The following FUT8 variants were observed in gnomAD, a reference collection of about 807,000 sequenced individuals.
FUT8 encodes alpha-(1,6)-fucosyltransferase.
A neutral mutation model predicts 71.3 loss-of-function variants in FUT8; 29 were observed. The ratio of observed to expected loss-of-function variants is 0.41; its 90% confidence interval spans 0.30 to 0.55. FUT8 has a LOEUF of 0.55. Ranked by LOEUF, FUT8 falls within the 20% of genes least tolerant of loss-of-function variation. The probability of loss-of-function intolerance (pLI) is 0.34; values close to 1 mark genes in which losing one functional copy is unlikely to be tolerated. For missense variants in FUT8, 544 were observed against 702.1 expected, an observed-to-expected ratio of 0.77 and a Z score of 2.55; for synonymous variants, 254 against 239.3, an observed-to-expected ratio of 1.06 and a Z score of -0.57.
rs972658571 is a variant in FUT8 at position 65,603,327 on chromosome 14, T to G, written c.204-12651T>G. On this transcript the variant is annotated intron_variant, in intron 3 of 10. Transcript: ENST00000673929. The surrounding 1 kb of genome is among the most constrained non-coding windows in gnomAD (Gnocchi z 4.5). ...TTCTGGGTTCTCTATTCTGTTCAGTTGGTCTTTGTGGCTATTTTTATACCA... is the reference window on the plus strand; with the variant it reads ...TTCTGGGTTCTCTATTCTGTTCAGTGGGTCTTTGTGGCTATTTTTATACCA... Among the ~76,000 whole-genome samples the G allele has an allele frequency of 2.6e-5, 4 of 151,870 alleles. No individual in the cohort carries two copies. Among genetic ancestry groups the G allele is most frequent in the African/African-American group, 9.7e-5 (4 of 41,418 alleles).
chr14:65,396,450 C>A, the FUT8 span, among the ~76,000 whole-genome samples: 1 of 152,156 alleles, frequency 6.6e-6, no homozygotes, highest in Non-Finnish European at 1.5e-5. The surrounding 1 kb of genome is among the most constrained non-coding windows in gnomAD (Gnocchi z 5.5). Context: ...TGGAAGCAGG[C>A]AAGACAGAAT....
intron 10 of FUT8, among the ~76,000 whole-genome samples, chr14:65,739,051 T>G (rs1896366434): frequency 6.6e-6 from 1 of 152,120 alleles, no homozygotes; most frequent in Non-Finnish European, 1.5e-5. Context: ...TTTATTTTTA[T>G]TTTTTGAAAT....
At chr14:65,491,883 G>T (rs1419007852) in intron 2 of FUT8, among the ~76,000 whole-genome samples, 3 of 152,176 alleles carry the variant, frequency 2.0e-5, no homozygotes, top group Middle Eastern at 3.4e-3. Context: ...CAATCTTTTT[G>T]TGCCTTCTTC....
chr14:65,418,795 G>A (rs1213455547), intron 1 of FUT8, among the ~76,000 whole-genome samples: 1 of 151,950 alleles, frequency 6.6e-6, no homozygotes, highest in Admixed American at 6.6e-5. Context: ...TTTTTCCTTA[G>A]AGTTCATAGA....
At chr14:65,425,984 A>G (rs2065380595) in intron 1 of FUT8, among the ~76,000 whole-genome samples, 1 of 152,050 alleles carries the variant, frequency 6.6e-6, no homozygotes. Context: ...CTCAAAAAAA[A>G]AAAAAATCTA....
chr14:65,431,311 T>C (rs2065470522), intron 1 of FUT8, among the ~76,000 whole-genome samples: 1 of 147,728 alleles, frequency 6.8e-6, no homozygotes, highest in African/African-American at 2.5e-5. Context: ...TTTTTTTTTT[T>C]TTTTTTTTCT....
chr14:65,723,091 C>G (rs1319994894), intron 8 of FUT8, among the ~76,000 whole-genome samples: 1 of 150,696 alleles, frequency 6.6e-6, no homozygotes, highest in East Asian at 1.9e-4. Context: ...GCAAGTGGAT[C>G]ACTTGAGCCC....
At chr14:65,577,467 T>C (rs1417421071) in intron 3 of FUT8, among the ~76,000 whole-genome samples, 1 of 152,188 alleles carries the variant, frequency 6.6e-6, no homozygotes, top group Non-Finnish European at 1.5e-5. Flanking sequence ...CAATAATATC[T>C]ATTTTGCAAT....
intron 3 of FUT8, among the ~76,000 whole-genome samples, chr14:65,601,040 C>A (rs1336468443): frequency 6.6e-6 from 1 of 152,092 alleles, no homozygotes; most frequent in East Asian, 1.9e-4. Flanking sequence ...ATCATAGTAT[C>A]TTAGAGCTGA....
In FUT8 at chr14:65,607,735, G is replaced by A. The variant is rs543037309; in HGVS notation, c.204-8243G>A. 2.2e-3 allele frequency among the ~76,000 whole-genome samples: 334 copies of A among 151,310 alleles called. 6 individuals are homozygous for A. The highest frequency in any genetic ancestry group is 5.0e-3 in the African/African-American group (206 of 41,270). On this transcript the variant is annotated intron_variant, in intron 3 of 10. Coordinates refer to ENST00000673929, the MANE Select transcript of FUT8 (RefSeq NM_001371533.1). This position sits in a 1 kb window ranked among gnomAD's most constrained non-coding sequence, Gnocchi z 4.1. ...TTTTATATTTCCTAGATTTTGATTC[G>A]ATGTTTTATGAATATTTGTAAAACT...
chr14:65,525,629 C>T (rs1481070552), intron 2 of FUT8, among the ~76,000 whole-genome samples: 1 of 152,082 alleles, frequency 6.6e-6, no homozygotes, highest in East Asian at 1.9e-4. Flanking sequence ...GCTCTTGCTT[C>T]TCTAGTTCTT....
intron 3 of FUT8, among the ~76,000 whole-genome samples, chr14:65,589,441 C>CAT (rs1887564164): frequency 9.1e-6 from 1 of 109,944 alleles, no homozygotes; most frequent in African/African-American, 3.6e-5. Context: ...TGCCTTAAAT[C>CAT]TTTTTTTTTT....
the FUT8 span, among the ~76,000 whole-genome samples, chr14:65,361,107 C>T: frequency 6.6e-6 from 1 of 152,000 alleles, no homozygotes; most frequent in African/African-American, 2.4e-5. Context: ...CCTGTAATCC[C>T]AGCACTTTGG....
the FUT8 span, among the ~76,000 whole-genome samples, chr14:65,380,994 T>G: frequency 1.8e-4 from 27 of 152,340 alleles, no homozygotes; most frequent in African/African-American, 6.3e-4. Flanking sequence ...CCACTGAGCC[T>G]CCACAATTGC....
intron 5 of FUT8, among the ~76,000 whole-genome samples, chr14:65,621,624 C>T (rs907258477): frequency 3.3e-5 from 5 of 150,916 alleles, no homozygotes; most frequent in East Asian, 2.0e-4. Context: ...TGCAATGGCA[C>T]GATCTCAGCT....
intron 1 of FUT8, among the ~76,000 whole-genome samples, chr14:65,415,317 G>T (rs1051641259): frequency 4.6e-5 from 7 of 152,116 alleles, no homozygotes; most frequent in African/African-American, 1.7e-4. Flanking sequence ...GCATATATAT[G>T]TACATAGTTA....
intron 7 of FUT8, among the ~76,000 whole-genome samples, chr14:65,684,124 A>G (rs1164675033): frequency 6.6e-6 from 1 of 151,820 alleles, no homozygotes; most frequent in African/African-American, 2.4e-5. Context: ...AAATATATAT[A>G]TATTTTATCG....
chr14:65,592,723 G>A (rs912229416), intron 3 of FUT8, among the ~76,000 whole-genome samples: 1 of 151,998 alleles, frequency 6.6e-6, no homozygotes, highest in Non-Finnish European at 1.5e-5. Flanking sequence ...AATCCCTATT[G>A]ATCTGCAGTC....
At chr14:65,576,745 A>G (rs1886807644) in intron 3 of FUT8, among the ~76,000 whole-genome samples, 2 of 100,072 alleles carry the variant, frequency 2.0e-5, no homozygotes, top group African/African-American at 4.5e-5. Context: ...TTTGAGACAG[A>G]GTCTAGCTTT....
Sources: gnomAD v4.1 joint callset for allele counts (sites outside exome capture counted in the v4.1 genomes callset) on GRCh38, gnomAD v4.1.1 for gene constraint, Gnocchi (gnomAD v3.1) non-coding constraint, MANE v1.5 for transcripts, NCBI Gene and HGNC (gene_info 2026-07-23, HGNC 2026-07-21) for gene names.